Variants in CYLD observed in about 807,000 individuals in gnomAD.
CYLD encodes the protein CYLD lysine 63 deubiquitinase.
In CYLD, 26 loss-of-function variants were observed where a neutral mutation model predicts 104.5. The observed-to-expected ratio is 0.25, with a 90% confidence interval of 0.18 to 0.35. CYLD has a LOEUF of 0.35. CYLD is among the 10% of genes least tolerant of loss of function. CYLD has a pLI of 1.00. For missense variants in CYLD, 703 were observed against 1,136.1 expected, an observed-to-expected ratio of 0.62 and a Z score of 5.48; for synonymous variants, 385 against 399.9, an observed-to-expected ratio of 0.96 and a Z score of 0.45.
In CYLD at chr16:50,792,602, A is replaced by G. The variant is rs765115793; in HGVS notation, c.2247A>G (p.Pro749=). Reference sequence around the variant, plus strand: ...AATATCTGTCTTTTTTATAGGCACCATCATGTCTGATTATTCAGATGCCTC... The same window carrying G: ...AATATCTGTCTTTTTTATAGGCACCGTCATGTCTGATTATTCAGATGCCTC... ...INSNLKFAEA[P]SCLIIQMPRF... Residue 749 remains proline (P), a synonymous_variant, in exon 16 of 19, where the codon CCA becomes CCG. Coordinates refer to ENST00000427738, the MANE Select transcript of CYLD (RefSeq NM_001378743.1). The G allele has an allele frequency of 6.2e-7, 1 of 1,602,082 alleles. No individual in the cohort carries two copies. Among genetic ancestry groups the G allele is most frequent in the Non-Finnish European group, 8.5e-7 (1 of 1,170,444 alleles).
rs1969673031 is a variant in CYLD, at chr16:50,776,259, A to G, written c.1003A>G (p.Asn335Asp). ...TGGGGACAAAGGTTCATCCAGTCAT[A>G]ATAAACCAAAGGCTACAGGTATGGA... ...GVGDKGSSSH[N>D]KPKATGSTSD... Residue 335 changes from asparagine to aspartate, a missense_variant, in exon 7 of 19, where the codon AAT becomes GAT. By Grantham distance (23) the Asn-to-Asp change is conservative (BLOSUM62 1). Around this residue, in one of 5 missense-constraint regions of CYLD, gnomAD observed 183 missense variants for 212.1 expected, o/e 0.86. Coordinates refer to ENST00000427738, the MANE Select transcript of CYLD (RefSeq NM_001378743.1). The G allele has an allele frequency of 6.2e-7, 1 of 1,612,936 alleles. No individual in the cohort carries two copies. The highest frequency in any genetic ancestry group is 8.5e-7 in the Non-Finnish European group (1 of 1,179,158).
At chr16:50,758,642 G>A (rs1339618612) in intron 5 of CYLD, among the ~76,000 whole-genome samples, 1 of 152,128 alleles carries the variant, frequency 6.6e-6, no homozygotes, top group Admixed American at 6.5e-5. Context: ...TGGATATAAT[G>A]TAAAGATCCC....
intron 13 of CYLD, 112 bp downstream of exon 13, chr16:50,787,058 A>T (rs1970915236): frequency 1.1e-6 from 1 of 910,548 alleles, no homozygotes; most frequent in Non-Finnish European, 1.8e-6. Flanking sequence ...TTAAATTAGA[A>T]ATTTCTTTTT....
Position 50,749,593 on chromosome 16 carries a change from T to C in CYLD, c.-106T>C. On this transcript the variant is annotated 5_prime_UTR_variant, in exon 3 of 19. Coordinates refer to ENST00000427738, the MANE Select transcript of CYLD (RefSeq NM_001378743.1). ...TTTTACAGCATGGACACCACGTTGC[T>C]GAAAACATGCTTTGGGACTGCCACT... 1 of 1,192,278 alleles carries C rather than the reference T, an allele frequency of 8.4e-7. No homozygotes were observed. The highest frequency in any genetic ancestry group is 1.2e-6 in the Non-Finnish European group (1 of 835,838). The allele number at this position is 1,192,278 out of a possible 1,614,324, so 73.9% of individuals were successfully genotyped here. A position where few individuals can be genotyped will look rare whatever the true frequency, so the allele number is the denominator to read the frequency against.
intron 5 of CYLD, among the ~76,000 whole-genome samples, chr16:50,774,061 A>G (rs1182443500): frequency 6.6e-6 from 1 of 152,246 alleles, no homozygotes; most frequent in Non-Finnish European, 1.5e-5. Flanking sequence ...AGCCTAACAA[A>G]GGGAAGAGCA....
At chr16:50,752,720 C>T (rs1966731983) in intron 4 of CYLD, among the ~76,000 whole-genome samples, 1 of 152,164 alleles carries the variant, frequency 6.6e-6, no homozygotes, top group Non-Finnish European at 1.5e-5. Context: ...ATTTCTCTGT[C>T]TGAATTTGCC....
chr16:50,785,580 C>T (rs1035768623), intron 12 of CYLD: 16 of 152,148 alleles, frequency 1.1e-4, no homozygotes, highest in African/African-American at 3.4e-4. Context: ...AGGTCAAACC[C>T]GAAACTCTAA....
chr16:50,789,181 A>G (rs1971170605), intron 14 of CYLD, among the ~76,000 whole-genome samples: 1 of 152,234 alleles, frequency 6.6e-6, no homozygotes, highest in African/African-American at 2.4e-5. Context: ...CCAAATAGAA[A>G]GCTCAGAAAT....
Position 50,797,914 on chromosome 16 carries a change from T to C in CYLD, c.*1406T>C, listed in dbSNP as rs1972177045. The C allele has an allele frequency of 4.3e-6, 1 of 232,100 alleles. No individual in the cohort carries two copies. The highest frequency in any genetic ancestry group is 8.5e-6 in the Non-Finnish European group (1 of 117,376). 14.4% of individuals were successfully genotyped at this position (232,100 alleles called of 1,614,324 possible). A position where few individuals can be genotyped will look rare whatever the true frequency, so the allele number is the denominator to read the frequency against. On this transcript the variant is annotated 3_prime_UTR_variant, in exon 19 of 19. Coordinates refer to ENST00000427738, the MANE Select transcript of CYLD (RefSeq NM_001378743.1). ...TTACAGTAAGGTACAAAAACTCATCTTGTAATATTTTCATTTTTGAAGTGA... is the reference window on the plus strand; with the variant it reads ...TTACAGTAAGGTACAAAAACTCATCCTGTAATATTTTCATTTTTGAAGTGA...
At chr16:50,788,792 G>A (rs543932422) in intron 14 of CYLD, among the ~76,000 whole-genome samples, 1 of 152,156 alleles carries the variant, frequency 6.6e-6, no homozygotes, top group South Asian at 2.1e-4. Context: ...TAGCATTTCT[G>A]TATACCTTCA....
intron 11 of CYLD, chr16:50,784,040 C>T (rs1970563531): frequency 2.8e-6 from 1 of 352,756 alleles, no homozygotes; most frequent in African/African-American, 2.1e-5. Context: ...AAGAAGTTTT[C>T]TTTCTTAATA....
At chr16:50,793,793 G>T (rs1971675861) in intron 17 of CYLD, 129 bp downstream of exon 17, 1 of 738,044 alleles carries the variant, frequency 1.4e-6, no homozygotes, top group African/African-American at 1.7e-5. Flanking sequence ...CAATAAAATG[G>T]TATTGCTTTT....
chr16:50,744,909 A>G (rs1160934777), intron 2 of CYLD: 1 of 152,382 alleles, frequency 6.6e-6, no homozygotes, highest in African/African-American at 2.4e-5. Context: ...CAACAAGCTC[A>G]GATAACCAGA....
At chr16:50,769,029 C>T (rs1210753673) in intron 5 of CYLD, among the ~76,000 whole-genome samples, 1 of 152,054 alleles carries the variant, frequency 6.6e-6, no homozygotes, top group Non-Finnish European at 1.5e-5. Flanking sequence ...TTTATTCATC[C>T]ATGTTGTCCT....
chr16:50,788,910 T>C (rs376103981), intron 14 of CYLD, among the ~76,000 whole-genome samples: 2 of 151,988 alleles, frequency 1.3e-5, no homozygotes, highest in East Asian at 3.9e-4. Flanking sequence ...GCTAAAAGGG[T>C]TTTGATTAAT....
chr16:50,774,673 G>A (rs542420316), intron 5 of CYLD, among the ~76,000 whole-genome samples: 20 of 152,284 alleles, frequency 1.3e-4, no homozygotes, highest in African/African-American at 2.4e-4. Flanking sequence ...GATGGGTTAC[G>A]TCAGGGGTTA....
intron 5 of CYLD, among the ~76,000 whole-genome samples, chr16:50,755,066 G>C (rs370855577): frequency 3.8e-5 from 2 of 52,600 alleles, no homozygotes; most frequent in African/African-American, 2.0e-4. Flanking sequence ...TATACATATA[G>C]ATATGTATAC....
intron 4 of CYLD, 110 bp downstream of exon 4, chr16:50,752,016 A>G: frequency 3.9e-6 from 1 of 258,786 alleles, no homozygotes; most frequent in Non-Finnish European, 6.3e-6. Flanking sequence ...ACACATATAT[A>G]TGTATAGTTT....
chr16:50,787,073 G>C, intron 13 of CYLD, 127 bp downstream of exon 13: 1 of 772,378 alleles, frequency 1.3e-6, no homozygotes, highest in Non-Finnish European at 2.3e-6. Flanking sequence ...CTTTTTATGT[G>C]ATATATGGTT....
Sources: allele counts gnomAD v4.1 joint callset (sites outside exome capture counted in the v4.1 genomes callset), GRCh38; gene constraint gnomAD v4.1.1; regional missense constraint gnomAD v4.1.1; transcripts MANE v1.5; gene names NCBI Gene and HGNC (gene_info 2026-07-23, HGNC 2026-07-21).